Variants in CEP350 observed in about 807,000 individuals in gnomAD.
The protein encoded by CEP350 is centrosome-associated protein 350.
Under a neutral mutation model 331.8 loss-of-function variants are expected in CEP350, and 126 were observed. The ratio of observed to expected loss-of-function variants is 0.38; its 90% CI spans 0.33 to 0.44. The LOEUF (loss-of-function observed/expected upper bound fraction) is 0.44. Among genes scored for constraint, CEP350 ranks in the 20% least tolerant of loss-of-function variants. The pLI is 1.00. For missense variants in CEP350, 3,406 were observed against 3,634.6 expected (o/e 0.94, Z 1.62); for synonymous variants, 1,200 against 1,259.5 (o/e 0.95, Z 1.00).
Position 180,075,146 on chromosome 1 carries a change from G to A in CEP350, c.5692G>A (p.Ala1898Thr). Residue 1898 changes from alanine to threonine, a missense_variant, in exon 28 of 38, where the codon GCT becomes ACT. Around this residue, in one of 5 missense-constraint regions of CEP350, gnomAD observed 1,415 missense variants for 1,512.3 expected, o/e 0.94. Coordinates refer to ENST00000367607, the MANE Select transcript of CEP350 (RefSeq NM_014810.5). ...TCGTCAAATGGAAAAACAAGCTTTGGCTGCCTGGGACAAAGAATTAATAAA... is the reference window on the plus strand; with the variant it reads ...TCGTCAAATGGAAAAACAAGCTTTGACTGCCTGGGACAAAGAATTAATAAA... ...EIRQMEKQAL[A>T]AWDKELIKPK... 1 of 1,613,664 alleles carries A rather than the reference G, an allele frequency of 6.2e-7. No homozygotes were observed. The highest frequency in any genetic ancestry group is 8.5e-7 in the Non-Finnish European group (1 of 1,179,760).
rs748309168 is a variant in CEP350, at chr1:179,991,314, C to CTT, written c.235+712_235+713dup. ...TTTGATTCTGTGGTTTCTTTCTTTT[C>CTT]TTTTTTTTTTTTTTTTTTTTGAGAC... On this transcript the variant is annotated intron_variant, in intron 4 of 37. Transcript: ENST00000367607. 3.1e-3 allele frequency among the ~76,000 whole-genome samples: 336 copies of CTT among 109,358 alleles called. 2 individuals carry two copies. Among genetic ancestry groups the CTT allele is most frequent in the East Asian group, 0.021 (79 of 3,752 alleles). 71.7% of individuals were successfully genotyped at this position (109,358 alleles called of 152,430 possible). A position where few individuals can be genotyped will look rare whatever the true frequency, so the allele number is the denominator to read the frequency against.
intron 31 of CEP350, 147 bp downstream of exon 31, chr1:180,084,325 G>C: frequency 1.6e-6 from 1 of 620,360 alleles, no homozygotes; most frequent in Non-Finnish European, 2.5e-6. Context: ...AAAAATCTGA[G>C]GGTATCCAAG....
chr1:180,080,717 T>A, intron 30 of CEP350, 56 bp downstream of exon 30: 1 of 1,470,128 alleles, frequency 6.8e-7, no homozygotes, highest in Non-Finnish European at 9.5e-7. Context: ...GCCTTTACTC[T>A]AAAAGGCTTC....
intron 28 of CEP350, 95 bp from the exon 29 acceptor site, chr1:180,078,368 A>G: frequency 4.7e-6 from 4 of 855,154 alleles, no homozygotes; most frequent in Non-Finnish European, 7.3e-6. Flanking sequence ...AAAATGCAGT[A>G]AGTAATAATA....
intron 1 of CEP350, among the ~76,000 whole-genome samples, chr1:179,982,029 A>T (rs1009097524): frequency 2.6e-5 from 4 of 152,096 alleles, no homozygotes; most frequent in African/African-American, 9.7e-5. Flanking sequence ...TAGAATTATA[A>T]ACCTAAAACA....
chr1:179,970,016 A>T (rs1349290044), intron 1 of CEP350, among the ~76,000 whole-genome samples: 1 of 152,202 alleles, frequency 6.6e-6, no homozygotes, highest in Non-Finnish European at 1.5e-5. Flanking sequence ...GGATAACTAG[A>T]TAGTGAGTAA....
rs1240634794 is a variant in CEP350, at chr1:180,075,062, C to A, written c.5608C>A (p.Gln1870Lys). The A allele has an allele frequency of 6.2e-7, 1 of 1,612,842 alleles. No homozygotes were observed. The change falls in exon 28 of 38, where the codon CAA (glutamine) becomes AAA (lysine). Residue 1870 changes from glutamine to lysine, a missense_variant. This residue lies in a region of CEP350 where 1,415 missense variants were observed against 1,512.3 expected (regional missense o/e 0.94). Transcript: ENST00000367607. ...KREQKLMQRRQHAEELLEWKR... is the reference protein window; with the variant it reads ...KREQKLMQRRKHAEELLEWKR... ...GGAGCAAAAATTAATGCAACGGCGA[C>A]AACATGCAGAGGAGCTCCTAGAGTG...
At chr1:179,987,098 G>A (rs1249865799) in intron 2 of CEP350, 142 bp from the exon 3 acceptor site, 3 of 534,602 alleles carry the variant, frequency 5.6e-6, no homozygotes, top group African/African-American at 2.0e-5. Context: ...ATATAATAAA[G>A]CATTTGCTGA....
At position 180,057,492 on chromosome 1, in the gene CEP350, T is replaced by C. The variant is rs536035868; in HGVS notation, c.5262+2990T>C. Among the ~76,000 whole-genome samples the C allele has an allele frequency of 9.9e-5, 15 of 152,002 alleles. No homozygotes were observed. The South Asian group carries it at 2.7e-3, about 27-fold the overall frequency. On this transcript the variant is annotated intron_variant, in intron 25 of 37. Coordinates refer to ENST00000367607, the MANE Select transcript of CEP350 (RefSeq NM_014810.5). ...CTGCTTGTATGTGGCCATGTGTGCC[T>C]CTATTATTACTATTGTCTGTTTTCT...
intron 25 of CEP350, 125 bp from the exon 26 acceptor site, chr1:180,062,095 A>G: frequency 1.2e-6 from 1 of 857,294 alleles, no homozygotes; most frequent in Non-Finnish European, 1.5e-6. Flanking sequence ...TTTCAGTATT[A>G]CTACTTTTAT....
intron 8 of CEP350, among the ~76,000 whole-genome samples, chr1:180,009,351 A>G (rs1420301992): frequency 1.3e-5 from 2 of 152,228 alleles, no homozygotes; most frequent in Non-Finnish European, 2.9e-5. Flanking sequence ...ATGTGGCGTT[A>G]TGTAATACTG....
chr1:179,997,598 G>T (rs970928958), intron 6 of CEP350, among the ~76,000 whole-genome samples: 5 of 151,284 alleles, frequency 3.3e-5, no homozygotes, highest in Middle Eastern at 3.4e-3. Flanking sequence ...CAGATTCCTA[G>T]ATCCAACACT....
intron 6 of CEP350, among the ~76,000 whole-genome samples, chr1:180,002,690 C>A (rs920426561): frequency 3.9e-5 from 6 of 152,006 alleles, no homozygotes; most frequent in Non-Finnish European, 4.4e-5. Context: ...GTAGAAAAAA[C>A]CCAAATGTCT....
intron 6 of CEP350, among the ~76,000 whole-genome samples, chr1:180,001,312 G>A (rs1653855245): frequency 6.6e-6 from 1 of 152,130 alleles, no homozygotes; most frequent in Admixed American, 6.5e-5. Flanking sequence ...AGGCTGGAGT[G>A]CAGTGGCATA....
Position 180,096,111 on chromosome 1 carries a change from G to A in CEP350, c.8993G>A (p.Trp2998Ter). Residue 2998 changes from tryptophan (W) to a stop codon, truncating the protein, a stop_gained, in exon 36 of 38, where the codon TGG becomes TAG. Transcript: ENST00000367607. LOFTEE classifies it high-confidence loss of function. ...AEDPNLNQPVWMKPCRINSSY... is the reference protein window; with the variant it reads ...AEDPNLNQPV ...GATCCCAACTTAAATCAACCTGTCTGGATGAAGCCATGTAGAATCAACTCT... is the reference window on the plus strand; with the variant it reads ...GATCCCAACTTAAATCAACCTGTCTAGATGAAGCCATGTAGAATCAACTCT... The A allele has an allele frequency of 6.4e-7, 1 of 1,562,448 alleles. No homozygotes were observed. The highest frequency in any genetic ancestry group is 8.7e-7 in the Non-Finnish European group (1 of 1,151,690).
intron 26 of CEP350, among the ~76,000 whole-genome samples, chr1:180,064,666 A>T (rs958990957): frequency 1.4e-4 from 21 of 151,972 alleles, no homozygotes; most frequent in African/African-American, 4.8e-4. Context: ...AAAGGAAAAA[A>T]CCCATGCCCT....
In CEP350 at chr1:180,053,120, C is replaced by T. The variant is rs1231531221; in HGVS notation, c.4943C>T (p.Ser1648Phe). ...MEKRRGHHDD[S>F]DEEASPEKTT... ...AAGAGAAGAGGTCATCATGATGACT[C>T]TGATGAAGAAGCTTCTCCAGAAAAA... Residue 1648 changes from serine (S) to phenylalanine (F), a missense_variant, in exon 23 of 38, where the codon TCT (serine) becomes TTT (phenylalanine). Coordinates refer to ENST00000367607, the MANE Select transcript of CEP350 (RefSeq NM_014810.5). 2 of 1,604,106 alleles carry T rather than the reference C, an allele frequency of 1.2e-6. No individual in the cohort carries two copies. Among genetic ancestry groups the T allele is most frequent in the East Asian group, 2.3e-5 (1 of 44,310 alleles).
chr1:180,063,404 G>T (rs905960301), intron 26 of CEP350, among the ~76,000 whole-genome samples: 3 of 151,538 alleles, frequency 2.0e-5, no homozygotes, highest in African/African-American at 7.3e-5. Flanking sequence ...TGTTGCTCAG[G>T]CTGGTCTCCA....
intron 36 of CEP350, among the ~76,000 whole-genome samples, 172 bp from the exon 37 acceptor site, chr1:180,098,691 G>A (rs1203259402): frequency 6.6e-6 from 1 of 152,132 alleles, no homozygotes; most frequent in Non-Finnish European, 1.5e-5. Context: ...CTCAGCATTT[G>A]GAATGCTTTT....
Sources: gnomAD v4.1 joint callset for allele counts (sites outside exome capture counted in the v4.1 genomes callset) on GRCh38, gnomAD v4.1.1 for gene constraint, gnomAD v4.1.1 regional missense constraint, MANE v1.5 for transcripts, NCBI Gene and HGNC (gene_info 2026-07-23, HGNC 2026-07-21) for gene names.